The following ABLIM2 variants were observed in gnomAD, a reference collection of about 807,000 sequenced individuals.
ABLIM2 encodes actin-binding LIM protein 2.
A neutral mutation model predicts 97.7 loss-of-function variants in ABLIM2; 53 were observed. The ratio of observed to expected loss-of-function variants is 0.54; its 90% CI spans 0.44 to 0.68. The LOEUF (loss-of-function observed/expected upper bound fraction) is 0.68. Among genes scored for constraint, ABLIM2 ranks in the 30% least tolerant of loss-of-function variants. ABLIM2 has a pLI of 0.00. For synonymous variants in ABLIM2, 361 were observed against 345.8 expected (o/e 1.04, Z -0.49); for missense variants, 835 against 867.2 (o/e 0.96, Z 0.47).
At position 8,021,680 on chromosome 4, in the gene ABLIM2, G is replaced by A. The variant is rs553908377; in HGVS notation, c.1268-1377C>T. On this transcript the variant is annotated intron_variant, in intron 12 of 20. Transcript: ENST00000447017. The surrounding 1 kb of genome is among the most constrained non-coding windows in gnomAD (Gnocchi z 5.5). Reference sequence around the variant, plus strand: ...GGGCTCGACAGACACTGGCCCAGAGGGGGCTCTTGCCTGGTGGTGGGCTGC... The same window carrying A: ...GGGCTCGACAGACACTGGCCCAGAGAGGGCTCTTGCCTGGTGGTGGGCTGC... Among the ~76,000 whole-genome samples, 9 of 152,270 alleles carry A rather than the reference G, an allele frequency of 5.9e-5. No homozygotes were observed. Among genetic ancestry groups the A allele is most frequent in the Non-Finnish European group, 1.0e-4 (7 of 68,054 alleles).
At chr4:7,991,699 G>A (rs527643788) in intron 17 of ABLIM2, among the ~76,000 whole-genome samples, 77 of 152,306 alleles carry the variant, frequency 5.1e-4, no homozygotes, top group African/African-American at 1.7e-3. Flanking sequence ...AGAGCAGTTC[G>A]TGGGGTGAGG....
intron 5 of ABLIM2, among the ~76,000 whole-genome samples, chr4:8,079,719 C>T (rs891038718): frequency 1.3e-5 from 2 of 152,168 alleles, no homozygotes; most frequent in African/African-American, 4.8e-5. Context: ...GATTCAGGTT[C>T]CGTGTGACAT....
chr4:7,993,898 G>T, intron 16 of ABLIM2: 1 of 508,796 alleles, frequency 2.0e-6, no homozygotes. Context: ...GGCCCTGGGT[G>T]GGCCTGGGAG....
chr4:8,061,173 G>T lies in ABLIM2; in HGVS notation c.676-119C>A. ...CAGGTACTCAGGGGATACTGGAAGG[G>T]CCAGCCCCCACCATCGGGACCCAAG... On this transcript the variant is annotated intron_variant, in intron 6 of 20. Transcript: ENST00000447017. The surrounding 1 kb of genome is among the most constrained non-coding windows in gnomAD (Gnocchi z 4.5). 1.2e-6 allele frequency: 1 copy of T among 857,612 alleles called. No homozygotes were observed. The highest frequency in any genetic ancestry group is 1.8e-6 in the Non-Finnish European group (1 of 549,150). The allele number at this position is 857,612 out of a possible 1,614,324, so 53.1% of individuals were successfully genotyped here.
chr4:8,156,988 C>T (rs953793695), intron 1 of ABLIM2, among the ~76,000 whole-genome samples: 4 of 152,192 alleles, frequency 2.6e-5, no homozygotes, highest in Admixed American at 2.6e-4. Context: ...GCTGAGCTGG[C>T]CACCCAGCAA....
In ABLIM2 at chr4:8,075,717, G is replaced by A. The variant is rs1815593429; in HGVS notation, c.675+1911C>T. Among the ~76,000 whole-genome samples the A allele has an allele frequency of 6.6e-6, 1 of 152,134 alleles. No homozygotes were observed. Among genetic ancestry groups the A allele is most frequent in the South Asian group, 2.1e-4 (1 of 4,820 alleles). ...AAAAAAGAAAAAAAAGAAAACCATT[G>A]ACTTGTGCCCTTTAAATGGGCAAAT... is the stretch of plus-strand genomic sequence containing the variant. On this transcript the variant is annotated intron_variant, in intron 6 of 20. Transcript: ENST00000447017. This position sits in a 1 kb window ranked among gnomAD's most constrained non-coding sequence, Gnocchi z 4.4.
At chr4:8,102,969 G>C (rs192141604) in intron 2 of ABLIM2, among the ~76,000 whole-genome samples, 1 of 152,240 alleles carries the variant, frequency 6.6e-6, no homozygotes, top group African/African-American at 2.4e-5. Flanking sequence ...AGGGTTATGC[G>C]AGGAGACAGG....
chr4:8,054,236 G>C lies in ABLIM2; in HGVS notation c.774C>G (p.Ile258Met), dbSNP rs185934307. 1,741 of 1,614,066 alleles carry C rather than the reference G, an allele frequency of 1.1e-3. 3 individuals carry two copies. The highest frequency in any genetic ancestry group is 1.4e-3 in the Non-Finnish European group (1,643 of 1,179,892). ...CTGCTTGTCGACACGCCGGATGCCAGATGGAGGAACCTGTTGACAAATTCC... is the reference window on the plus strand; with the variant it reads ...CTGCTTGTCGACACGCCGGATGCCACATGGAGGAACCTGTTGACAAATTCC... ...GEEMYLQGSSIWHPACRQAAR... is the reference protein window; with the variant it reads ...GEEMYLQGSSMWHPACRQAAR... The change falls in exon 8 of 21, where the codon ATC becomes ATG. Residue 258 changes from isoleucine (I) to methionine (M), a missense_variant. Ile to Met is a conservative substitution (Grantham distance 10). Coordinates refer to ENST00000447017, the MANE Select transcript of ABLIM2 (RefSeq NM_001130083.2). This position sits in a 1 kb window ranked among gnomAD's most constrained non-coding sequence, Gnocchi z 4.9.
intron 1 of ABLIM2, among the ~76,000 whole-genome samples, chr4:8,153,424 CAG>C (rs1332964389): frequency 1.7e-4 from 26 of 152,286 alleles, no homozygotes; most frequent in African/African-American, 5.5e-4. Flanking sequence ...CACGGAAGAA[CAG>C]GGCAGAGCTT....
chr4:8,089,034 G>A (rs1420440063), intron 3 of ABLIM2, among the ~76,000 whole-genome samples: 1 of 152,170 alleles, frequency 6.6e-6, no homozygotes. Flanking sequence ...TGCTCTAAAT[G>A]GATTTTTTGC....
At chr4:8,097,967 C>T (rs189693969) in intron 2 of ABLIM2, among the ~76,000 whole-genome samples, 1 of 152,330 alleles carries the variant, frequency 6.6e-6, no homozygotes, top group East Asian at 1.9e-4. Context: ...AGCCCTGGAG[C>T]TCCATGGAGG....
At position 8,003,554 on chromosome 4, in the gene ABLIM2, C is replaced by T. The variant is rs1758752501; in HGVS notation, c.1618+4505G>A. Reference sequence around the variant, plus strand: ...TCTCTGGACCACTACGCTCTTCTTCCAGTTTTCTTTTTTTTTTTTTTTTTT... The same window carrying T: ...TCTCTGGACCACTACGCTCTTCTTCTAGTTTTCTTTTTTTTTTTTTTTTTT... On this transcript the variant is annotated intron_variant, in intron 16 of 20. Coordinates refer to ENST00000447017, the MANE Select transcript of ABLIM2 (RefSeq NM_001130083.2). The surrounding 1 kb of genome is among the most constrained non-coding windows in gnomAD (Gnocchi z 4.2). Among the ~76,000 whole-genome samples, 1 of 151,052 alleles carries T rather than the reference C, an allele frequency of 6.6e-6. No homozygotes were observed. Among genetic ancestry groups the T allele is most frequent in the Non-Finnish European group, 1.5e-5 (1 of 67,828 alleles).
Position 8,158,678 on chromosome 4 carries a change from A to T in ABLIM2, c.10+2T>A. The stretch of plus-strand genomic sequence containing the variant: ...GTTGGTCCCTCGGTCCCCAGCACCC[A>T]CCTGCACTCATCTCAGCAGCCGCTC... On this transcript the variant is annotated splice_donor_variant, in intron 1 of 20. Coordinates refer to ENST00000447017, the MANE Select transcript of ABLIM2 (RefSeq NM_001130083.2). LOFTEE classifies it high-confidence loss of function. The T allele has an allele frequency of 1.3e-6, 2 of 1,489,740 alleles. No homozygotes were observed. Among genetic ancestry groups the T allele is most frequent in the Non-Finnish European group, 1.8e-6 (2 of 1,124,548 alleles). 92.3% of individuals were successfully genotyped at this position (1,489,740 alleles called of 1,614,324 possible). A position where few individuals can be genotyped will look rare whatever the true frequency, so the allele number is the denominator to read the frequency against.
chr4:8,114,745 C>A (rs1241524855), intron 1 of ABLIM2, among the ~76,000 whole-genome samples: 16 of 152,154 alleles, frequency 1.1e-4, no homozygotes, highest in Admixed American at 1.0e-3. Flanking sequence ...ATGCACTGGG[C>A]ACTCTCTCCT....
At position 8,023,644 on chromosome 4, in the gene ABLIM2, T is replaced by C. The variant is rs1775458641; in HGVS notation, c.1268-3341A>G. On this transcript the variant is annotated intron_variant, in intron 12 of 20. Coordinates refer to ENST00000447017, the MANE Select transcript of ABLIM2 (RefSeq NM_001130083.2). This position sits in a 1 kb window ranked among gnomAD's most constrained non-coding sequence, Gnocchi z 5.7. The stretch of plus-strand genomic sequence containing the variant: ...GCTCTCGGGAAGGAGCCACTCTGTG[T>C]AGCCCACACTTGTCCACATGTCAGG... Among the ~76,000 whole-genome samples, 1 of 152,184 alleles carries C rather than the reference T, an allele frequency of 6.6e-6. No individual in the cohort carries two copies.
Position 8,073,608 on chromosome 4 carries a change from C to T in ABLIM2, c.675+4020G>A, listed in dbSNP as rs554213785. Reference sequence around the variant, plus strand: ...GAGAGGAGAGGGCCAGGCAGGACGTCGTCCCTGGGATGCATCACTGGCTGT... The same window carrying T: ...GAGAGGAGAGGGCCAGGCAGGACGTTGTCCCTGGGATGCATCACTGGCTGT... On this transcript the variant is annotated intron_variant, in intron 6 of 20. Coordinates refer to ENST00000447017, the MANE Select transcript of ABLIM2 (RefSeq NM_001130083.2). Among the ~76,000 whole-genome samples, 7 of 151,966 alleles carry T rather than the reference C, an allele frequency of 4.6e-5. No homozygotes were observed. The South Asian group carries it at 1.0e-3, about 23-fold the overall frequency.
At chr4:8,045,635 A>G (rs935980195) in intron 8 of ABLIM2, among the ~76,000 whole-genome samples, 1 of 152,170 alleles carries the variant, frequency 6.6e-6, no homozygotes, top group Non-Finnish European at 1.5e-5. Context: ...TGACAGAGAG[A>G]GACTCCATCT....
Position 8,077,777 on chromosome 4 carries a change from T to C in ABLIM2, c.582-56A>G, listed in dbSNP as rs2152415949. On this transcript the variant is annotated intron_variant, in intron 5 of 20. Transcript: ENST00000447017. ...GGGTGTCGCCCGAGGACCCTTGAGATCTAACAACCCTCACCAACAAGAGAG... is the reference window on the plus strand; with the variant it reads ...GGGTGTCGCCCGAGGACCCTTGAGACCTAACAACCCTCACCAACAAGAGAG... 2.1e-6 allele frequency: 3 copies of C among 1,454,092 alleles called. No individual in the cohort carries two copies. The South Asian group carries it at 3.7e-5, about 18-fold the overall frequency. The allele number at this position is 1,454,092 out of a possible 1,614,324, so 90.1% of individuals were successfully genotyped here. A position where few individuals can be genotyped will look rare whatever the true frequency, so the allele number is the denominator to read the frequency against.
chr4:8,000,331 T>G (rs891464647), intron 16 of ABLIM2, among the ~76,000 whole-genome samples: 2 of 152,116 alleles, frequency 1.3e-5, no homozygotes, highest in African/African-American at 4.8e-5. Context: ...AGGATCCCCG[T>G]GTGCTCACGT....
Sources: gnomAD v4.1 joint callset for allele counts (sites outside exome capture counted in the v4.1 genomes callset) on GRCh38, gnomAD v4.1.1 for gene constraint, Gnocchi (gnomAD v3.1) non-coding constraint, MANE v1.5 for transcripts, NCBI Gene and HGNC (gene_info 2026-07-23, HGNC 2026-07-21) for gene names.